The following TTLL11 variants were observed in gnomAD, a reference collection of about 807,000 sequenced individuals.
TTLL11 encodes tubulin polyglutamylase TTLL11.
TTLL11 carries 42 observed loss-of-function variants against 51.7 expected under a neutral mutation model. That is an observed-to-expected ratio of 0.81 (90% confidence interval 0.64 to 1.05). TTLL11 has a LOEUF of 1.05. Among genes scored for constraint, TTLL11 ranks in the 50% least tolerant of loss-of-function variants. The probability of loss-of-function intolerance (pLI) is 0.00; values close to 1 mark genes in which losing one functional copy is unlikely to be tolerated. For synonymous variants in TTLL11, 381 were observed against 383.5 expected, an observed-to-expected ratio of 0.99 and a Z score of 0.08; for missense variants, 799 against 940.4, an observed-to-expected ratio of 0.85 and a Z score of 1.97.
intron 8 of TTLL11, among the ~76,000 whole-genome samples, chr9:121,857,551 A>T (rs921588698): frequency 6.6e-6 from 1 of 152,218 alleles, no homozygotes; most frequent in African/African-American, 2.4e-5. Context: ...CAAGTGAAGT[A>T]ATCTCAAAAC....
At chr9:121,974,801 C>A in intron 5 of TTLL11, 83 bp downstream of exon 5, 1 of 1,105,374 alleles carries the variant, frequency 9.0e-7, no homozygotes, top group Non-Finnish European at 1.3e-6. Context: ...AATGTCCAAT[C>A]TTGTTTTGTT....
chr9:121,913,003 C>T (rs1021442983), intron 6 of TTLL11, among the ~76,000 whole-genome samples: 1 of 152,096 alleles, frequency 6.6e-6, no homozygotes, highest in African/African-American at 2.4e-5. Context: ...GAATTGCCTT[C>T]AAGGTAGTTC....
At chr9:121,845,300 T>C (rs1443896924) in intron 8 of TTLL11, among the ~76,000 whole-genome samples, 1 of 152,160 alleles carries the variant, frequency 6.6e-6, no homozygotes, top group Non-Finnish European at 1.5e-5. Flanking sequence ...CCTAGAATTC[T>C]GTATGGAGTG....
rs373543178 is a variant in TTLL11, at chr9:121,989,752, C to T, written c.712G>A (p.Asp238Asn). 7 of 1,599,480 alleles carry T rather than the reference C, an allele frequency of 4.4e-6. No individual in the cohort carries two copies. The highest frequency in any genetic ancestry group is 4.5e-5 in the East Asian group (2 of 44,638). The part of the protein sequence containing the change: ...FVAQVQMVKD[D>N]DPSWKPTFIV... ...AAAGTGGGCTTCCAGGAGGGGTCAT[C>T]GTCTTTCACCATTTGAACCTGGAGG... The change falls in exon 4 of 9, where the codon GAT becomes AAT. Residue 238 changes from aspartate (D) to asparagine (N), a missense_variant. Physicochemically the swap from Asp to Asn is conservative, Grantham distance 23. Transcript: ENST00000321582. The surrounding 1 kb of genome is among the most constrained non-coding windows in gnomAD (Gnocchi z 4.2).
chr9:122,030,996 G>C (rs1009173563), intron 3 of TTLL11, among the ~76,000 whole-genome samples: 10 of 150,276 alleles, frequency 6.7e-5, no homozygotes, highest in Admixed American at 4.0e-4. Context: ...ACAAAGCCTG[G>C]AACATAGCAG....
intron 6 of TTLL11, among the ~76,000 whole-genome samples, chr9:121,933,106 C>G (rs1841057559): frequency 6.6e-6 from 1 of 151,902 alleles, no homozygotes. Flanking sequence ...ACACGGCGGA[C>G]AGTAGAGGAG....
At chr9:121,919,960 G>A (rs567915229) in intron 6 of TTLL11, among the ~76,000 whole-genome samples, 15 of 152,056 alleles carry the variant, frequency 9.9e-5, no homozygotes, top group African/African-American at 1.4e-4. Context: ...TGCCAAGCAC[G>A]GTTTGAAGTT....
At chr9:121,906,402 C>T (rs6478546) in intron 6 of TTLL11, among the ~76,000 whole-genome samples, 136,825 of 152,108 alleles carry the variant, frequency 0.9, 61,649 homozygotes, top group East Asian at 1. Context: ...CAGGCAGAAT[C>T]AATCACTCTT....
intron 6 of TTLL11, among the ~76,000 whole-genome samples, chr9:121,929,087 A>G (rs1840861401): frequency 6.6e-6 from 1 of 152,154 alleles, no homozygotes; most frequent in Non-Finnish European, 1.5e-5. Context: ...CCATCAAAAC[A>G]TGGTCTTCAA....
chr9:121,962,284 C>T (rs183644409), intron 6 of TTLL11, among the ~76,000 whole-genome samples: 62 of 152,234 alleles, frequency 4.1e-4, no homozygotes, highest in African/African-American at 1.1e-3. Context: ...CATTTTAATA[C>T]GAAATGGGCA....
At chr9:121,880,249 C>A (rs955036363) in intron 6 of TTLL11, among the ~76,000 whole-genome samples, 1 of 152,142 alleles carries the variant, frequency 6.6e-6, no homozygotes, top group Non-Finnish European at 1.5e-5. Context: ...CTGCCTGCAC[C>A]AACTGCCCAA....
At chr9:121,923,651 G>A (rs1166744516) in intron 6 of TTLL11, among the ~76,000 whole-genome samples, 1 of 128,918 alleles carries the variant, frequency 7.8e-6, no homozygotes, top group Middle Eastern at 3.5e-3. Flanking sequence ...GGTTTGGTAA[G>A]AGTAAGTGGC....
intron 1 of TTLL11, among the ~76,000 whole-genome samples, chr9:122,056,522 G>C (rs1284401215): frequency 2.0e-5 from 3 of 152,090 alleles, no homozygotes; most frequent in African/African-American, 7.2e-5. Flanking sequence ...GGCAGAACAA[G>C]GACTAGAACC....
intron 3 of TTLL11, among the ~76,000 whole-genome samples, chr9:122,003,211 G>A (rs2131729143): frequency 6.6e-6 from 1 of 152,250 alleles, no homozygotes; most frequent in African/African-American, 2.4e-5. Flanking sequence ...AAAGAGAGAT[G>A]ATCATAAAAC....
At chr9:122,091,001 G>A (rs888937534) in intron 1 of TTLL11, among the ~76,000 whole-genome samples, 4 of 152,138 alleles carry the variant, frequency 2.6e-5, no homozygotes, top group African/African-American at 9.7e-5. Context: ...AGTCCTTGGG[G>A]GCAAGGGTCA....
intron 1 of TTLL11, among the ~76,000 whole-genome samples, chr9:122,046,146 C>T (rs1314830801): frequency 2.6e-5 from 4 of 152,174 alleles, no homozygotes; most frequent in East Asian, 3.8e-4. Context: ...AGTTTCATGT[C>T]GACTTGCAAT....
intron 6 of TTLL11, among the ~76,000 whole-genome samples, chr9:121,945,521 C>G (rs899618763): frequency 1.3e-5 from 2 of 152,188 alleles, no homozygotes; most frequent in Non-Finnish European, 1.5e-5. Flanking sequence ...AAAGTGTCCA[C>G]GAGGTCCTCC....
At chr9:121,863,994 A>G (rs1316814984) in intron 7 of TTLL11, among the ~76,000 whole-genome samples, 8 of 152,224 alleles carry the variant, frequency 5.3e-5, no homozygotes, top group African/African-American at 1.9e-4. Flanking sequence ...TGGAGCCTCT[A>G]AAGCACTCCT....
At chr9:122,082,295 G>A (rs2131921904) in intron 1 of TTLL11, among the ~76,000 whole-genome samples, 1 of 152,258 alleles carries the variant, frequency 6.6e-6, no homozygotes, top group Admixed American at 6.5e-5. Flanking sequence ...CTTGAGGTCA[G>A]GAGTTCAAGA....
Sources: gnomAD v4.1 joint callset for allele counts (sites outside exome capture counted in the v4.1 genomes callset) on GRCh38, gnomAD v4.1.1 for gene constraint, Gnocchi (gnomAD v3.1) non-coding constraint, MANE v1.5 for transcripts, NCBI Gene and HGNC (gene_info 2026-07-23, HGNC 2026-07-21) for gene names.